The following SPTSSA variants were observed in gnomAD, a reference collection of about 807,000 sequenced individuals.
The protein encoded by SPTSSA is serine palmitoyltransferase small subunit A.
A neutral mutation model predicts 9.1 loss-of-function variants in SPTSSA; 8 were observed. The observed-to-expected ratio is 0.88, with a 90% CI of 0.51 to 1.58. The LOEUF (loss-of-function observed/expected upper bound fraction) is 1.58. SPTSSA is among the 40% of genes most tolerant of loss of function. SPTSSA has a pLI of 0.00. For synonymous variants in SPTSSA, 42 were observed against 37.7 expected, an observed-to-expected ratio of 1.11 and a Z score of -0.41; for missense variants, 100 against 93.8, an observed-to-expected ratio of 1.07 and a Z score of -0.27.
At chr14:34,447,876 G>A (rs888124668) in intron 1 of SPTSSA, among the ~76,000 whole-genome samples, 5 of 152,028 alleles carry the variant, frequency 3.3e-5, no homozygotes, top group African/African-American at 9.7e-5. Context: ...ATTCCCTCTC[G>A]CCTAGAAACC....
intron 1 of SPTSSA, among the ~76,000 whole-genome samples, chr14:34,455,928 T>G (rs1043229576): frequency 7.3e-6 from 1 of 137,682 alleles, no homozygotes; most frequent in African/African-American, 2.8e-5. Context: ...CAAGACTCCA[T>G]CTCAAAAAAA....
At chr14:34,458,988 T>C (rs1257137848) in intron 1 of SPTSSA, among the ~76,000 whole-genome samples, 1 of 145,508 alleles carries the variant, frequency 6.9e-6, no homozygotes, top group Admixed American at 7.1e-5. Flanking sequence ...CACTGCAACC[T>C]CCGCCTCCCG....
At position 34,434,481 on chromosome 14, in the gene SPTSSA, C is replaced by T. The variant is rs543363513; in HGVS notation, c.*720G>A. The T allele has an allele frequency of 6.6e-6, 1 of 152,528 alleles. No individual in the cohort carries two copies. The highest frequency in any genetic ancestry group is 6.6e-5 in the Admixed American group (1 of 15,262). 9.4% of individuals were successfully genotyped at this position (152,528 alleles called of 1,614,324 possible). On this transcript the variant is annotated 3_prime_UTR_variant, in exon 2 of 2. Transcript: ENST00000298130. ...GCATTACATAATAATGCTACTTAACCACCTTTTGTCTCAAGAATTATCACC... is the reference window on the plus strand; with the variant it reads ...GCATTACATAATAATGCTACTTAACTACCTTTTGTCTCAAGAATTATCACC...
intron 1 of SPTSSA, among the ~76,000 whole-genome samples, chr14:34,446,371 T>C (rs1324262706): frequency 6.6e-6 from 1 of 152,204 alleles, no homozygotes; most frequent in African/African-American, 2.4e-5. Context: ...GAAACTCTTA[T>C]CTTTGAATAT....
intron 1 of SPTSSA, among the ~76,000 whole-genome samples, chr14:34,447,292 C>T (rs1389615942): frequency 3.4e-5 from 5 of 146,448 alleles, no homozygotes; most frequent in African/African-American, 5.0e-5. Flanking sequence ...CCAGATCATT[C>T]TTTAATCTAC....
rs1256486294 is a variant in SPTSSA, at chr14:34,446,450, T to G, written c.113-11146A>C. Among the ~76,000 whole-genome samples, 3 of 152,194 alleles carry G rather than the reference T, an allele frequency of 2.0e-5. No homozygotes were observed. The East Asian group carries it at 5.8e-4, about 29-fold the overall frequency. ...GGGTCTGTTATGTGGATTTATGGAG[T>G]GTACTTTTATTTATGAAGGGGTCTG... is the stretch of plus-strand genomic sequence containing the variant. On this transcript the variant is annotated intron_variant, in intron 1 of 1. Transcript: ENST00000298130.
intron 1 of SPTSSA, among the ~76,000 whole-genome samples, chr14:34,439,078 G>A (rs898061689): frequency 5.9e-5 from 9 of 152,118 alleles, no homozygotes; most frequent in Admixed American, 1.3e-4. Context: ...AATAGAGCAG[G>A]GGAAATAAGC....
chr14:34,445,686 T>C (rs1490110329), intron 1 of SPTSSA, among the ~76,000 whole-genome samples: 2 of 152,188 alleles, frequency 1.3e-5, no homozygotes, highest in Admixed American at 6.5e-5. Context: ...ACAGGATTAT[T>C]TGACATGTTT....
chr14:34,451,021 ATT>A (rs770553832), intron 1 of SPTSSA, among the ~76,000 whole-genome samples: 28 of 142,536 alleles, frequency 2.0e-4, no homozygotes, highest in African/African-American at 5.1e-4. Context: ...AGAAATAAAG[ATT>A]TTTTTTTTTT....
intron 1 of SPTSSA, among the ~76,000 whole-genome samples, chr14:34,451,654 C>T (rs751531055): frequency 2.1e-5 from 3 of 143,056 alleles, no homozygotes; most frequent in African/African-American, 2.6e-5. Context: ...ACTCGGGAGG[C>T]GGAGCTTGCA....
At chr14:34,451,193 T>C (rs1429795970) in intron 1 of SPTSSA, among the ~76,000 whole-genome samples, 4 of 152,142 alleles carry the variant, frequency 2.6e-5, no homozygotes, top group Non-Finnish European at 5.9e-5. Context: ...TCACCCACTT[T>C]AGTAATCTAA....
At chr14:34,446,363 A>C (rs1436680183) in intron 1 of SPTSSA, among the ~76,000 whole-genome samples, 1 of 152,184 alleles carries the variant, frequency 6.6e-6, no homozygotes, top group Non-Finnish European at 1.5e-5. Context: ...ACTATCATGA[A>C]ACTCTTATCT....
rs769896697 is a variant in SPTSSA at position 34,435,623 on chromosome 14, CTTT to C, written c.113-322_113-320del. 4.6e-3 allele frequency among the ~76,000 whole-genome samples: 425 copies of C among 92,430 alleles called. 1 individual carries two copies. The highest frequency in any genetic ancestry group is 0.018 in the African/African-American group (382 of 21,784). The allele number at this position is 92,430 out of a possible 152,430, so 60.6% of individuals were successfully genotyped here. On this transcript the variant is annotated intron_variant, in intron 1 of 1. Coordinates refer to ENST00000298130, the MANE Select transcript of SPTSSA (RefSeq NM_138288.4). ...CAAATGTTTTTGTTTGTTTGTTTCT[CTTT>C]TTTTTTTTTTTTTTTTTTTGAGACA...
chr14:34,462,101 A>C lies in SPTSSA; in HGVS notation c.107T>G (p.Val36Gly), dbSNP rs769376413. The change falls in exon 1 of 2, where the codon GTG (valine) becomes GGG (glycine). Residue 36 changes from valine (V) to glycine (G), a missense_variant. By Grantham distance (109) the Val-to-Gly change is moderately radical. Coordinates refer to ENST00000298130, the MANE Select transcript of SPTSSA (RefSeq NM_138288.4). ...GCGCGGCCGGGACAGGATACTGAAC[A>C]CCGTCCGCTCCCAGGGCTCCAGCAT... The part of the protein sequence containing the change: ...LYMLEPWERT[V>G]FNSMLVSIVG... 1 of 1,499,054 alleles carries C rather than the reference A, an allele frequency of 6.7e-7. No homozygotes were observed. The highest frequency in any genetic ancestry group is 8.9e-7 in the Non-Finnish European group (1 of 1,117,700). 92.9% of individuals were successfully genotyped at this position (1,499,054 alleles called of 1,614,324 possible).
At chr14:34,436,200 T>C (rs772990018) in intron 1 of SPTSSA, among the ~76,000 whole-genome samples, 2 of 152,230 alleles carry the variant, frequency 1.3e-5, no homozygotes, top group Admixed American at 6.5e-5. Flanking sequence ...TGCTACTATT[T>C]GCAACAACTT....
intron 1 of SPTSSA, among the ~76,000 whole-genome samples, chr14:34,453,674 C>T (rs1883564817): frequency 6.6e-6 from 1 of 152,148 alleles, no homozygotes; most frequent in African/African-American, 2.4e-5. Flanking sequence ...TTCCTATAAA[C>T]CATATTATTT....
chr14:34,461,511 G>A (rs1332608464), intron 1 of SPTSSA, among the ~76,000 whole-genome samples: 3 of 152,140 alleles, frequency 2.0e-5, no homozygotes, highest in African/African-American at 7.2e-5. Flanking sequence ...GTGCACAGAA[G>A]CAATAAATAC....
intron 1 of SPTSSA, among the ~76,000 whole-genome samples, chr14:34,448,896 A>C (rs1434281323): frequency 6.6e-6 from 1 of 152,146 alleles, no homozygotes; most frequent in Non-Finnish European, 1.5e-5. Context: ...GCTACTCTGG[A>C]GACAGAGGTA....
rs564909876 is a variant in SPTSSA at position 34,446,989 on chromosome 14, CGAG to C, written c.113-11688_113-11686del. On this transcript the variant is annotated intron_variant, in intron 1 of 1. Coordinates refer to ENST00000298130, the MANE Select transcript of SPTSSA (RefSeq NM_138288.4). ...CTGTAATCACAGCACTTTGAGAGGCCGAGGCAGGTGGATTACCTGAGGTCAGGA... is the reference window on the plus strand; with the variant it reads ...CTGTAATCACAGCACTTTGAGAGGCCGCAGGTGGATTACCTGAGGTCAGGA... 6.5e-3 allele frequency among the ~76,000 whole-genome samples: 986 copies of C among 151,964 alleles called. 11 individuals are homozygous for C. The highest frequency in any genetic ancestry group is 0.023 in the African/African-American group (936 of 41,468).
Sources: allele counts gnomAD v4.1 joint callset (sites outside exome capture counted in the v4.1 genomes callset), GRCh38; gene constraint gnomAD v4.1.1; transcripts MANE v1.5; gene names NCBI Gene and HGNC (gene_info 2026-07-23, HGNC 2026-07-21).